CLPP: variants seen among roughly 807,000 people sequenced by gnomAD.
CLPP encodes ATP-dependent Clp protease proteolytic subunit, mitochondrial.
CLPP carries 14 observed loss-of-function variants against 27.4 expected under a neutral mutation model. The ratio of observed to expected loss-of-function variants is 0.51; its 90% CI spans 0.34 to 0.80. CLPP has a LOEUF of 0.80. Among genes scored for constraint, CLPP ranks in the 30% least tolerant of loss-of-function variants. CLPP has a pLI of 0.02. For synonymous variants in CLPP, 193 were observed against 166.6 expected (o/e 1.16, Z -1.22); for missense variants, 361 against 403.6 (o/e 0.89, Z 0.90).
rs1599198498 is a variant in CLPP, at chr19:6,369,781, C to T, written c.*1071C>T. On this transcript the variant is annotated 3_prime_UTR_variant, in exon 6 of 6. Coordinates refer to ENST00000245816, the MANE Select transcript of CLPP (RefSeq NM_006012.4). ...CTGCACTCCAGCCTGGGCAACAAAG[C>T]GAGATTCTGTCTCCAAAAAAAAAAA... Among the ~76,000 whole-genome samples, 5 of 150,486 alleles carry T rather than the reference C, an allele frequency of 3.3e-5. No individual in the cohort carries two copies. The highest frequency in any genetic ancestry group is 2.6e-4 in the Admixed American group (4 of 15,110).
chr19:6,368,444 G>A, intron 5 of CLPP, 94 bp from the exon 6 acceptor site: 1 of 1,229,440 alleles, frequency 8.1e-7, no homozygotes, highest in East Asian at 2.4e-5. Flanking sequence ...ACTTGGGGTG[G>A]TGGGCACAAA....
intron 1 of CLPP, 33 bp downstream of exon 1, chr19:6,361,805 G>A (rs1296205574): frequency 4.4e-6 from 7 of 1,573,646 alleles, no homozygotes; most frequent in Non-Finnish European, 6.0e-6. Context: ...CGGTTCGGGG[G>A]CTCCGGGCTG....
At chr19:6,366,459 AG>A in intron 5 of CLPP, 96 bp downstream of exon 5, 3 of 895,446 alleles carry the variant, frequency 3.4e-6, no homozygotes, top group Non-Finnish European at 5.2e-6. Flanking sequence ...GCGGACTTTC[AG>A]GGCTGGATCG....
At chr19:6,362,008 T>G in intron 2 of CLPP, 68 bp downstream of exon 2, 1 of 1,426,294 alleles carries the variant, frequency 7.0e-7, no homozygotes. Context: ...CCTGCGCCCC[T>G]CCTTCCCTGG....
Position 6,369,916 on chromosome 19 carries a change from T to A in CLPP, c.*1206T>A, listed in dbSNP as rs531046039. On this transcript the variant is annotated 3_prime_UTR_variant, in exon 6 of 6. Transcript: ENST00000245816. Reference sequence around the variant, plus strand: ...GGAAAATAAGGATGACTATGACTCCTGAGGAGTGCACCATGAGCAGAAACT... The same window carrying A: ...GGAAAATAAGGATGACTATGACTCCAGAGGAGTGCACCATGAGCAGAAACT... Among the ~76,000 whole-genome samples the A allele has an allele frequency of 3.0e-4, 45 of 152,242 alleles. No individual in the cohort carries two copies. Among genetic ancestry groups the A allele is most frequent in the African/African-American group, 6.3e-4 (26 of 41,552 alleles).
intron 2 of CLPP, 27 bp downstream of exon 2, chr19:6,361,967 C>G (rs1175164771): frequency 2.5e-6 from 4 of 1,590,488 alleles, no homozygotes; most frequent in Admixed American, 1.7e-5. Flanking sequence ...GGGACCCTCC[C>G]CAGGACTCTC....
At chr19:6,365,487 G>A (rs953404333) in intron 4 of CLPP, among the ~76,000 whole-genome samples, 1 of 151,830 alleles carries the variant, frequency 6.6e-6, no homozygotes, top group African/African-American at 2.4e-5. Context: ...ACAACAAAGG[G>A]AAAAAAAGAA....
At chr19:6,362,034 C>A in intron 2 of CLPP, 94 bp downstream of exon 2, 2 of 1,210,958 alleles carry the variant, frequency 1.7e-6, no homozygotes, top group Non-Finnish European at 2.3e-6. Context: ...GACTTTCCCT[C>A]AGGCTCCGCT....
At chr19:6,364,381 G>T in intron 3 of CLPP, 71 bp from the exon 4 acceptor site, 2 of 1,442,312 alleles carry the variant, frequency 1.4e-6, no homozygotes, top group Non-Finnish European at 1.9e-6. Context: ...CCCTCCCCAG[G>T]TTTAGGAGAT....
Position 6,362,388 on chromosome 19 carries a change from C to G in CLPP, c.271-58C>G, listed in dbSNP as rs574261723. 1.9e-5 allele frequency: 23 copies of G among 1,226,354 alleles called. No individual in the cohort carries two copies. In the Admixed American group the frequency reaches 2.9e-4, roughly 15 times the overall value. 76.0% of individuals were successfully genotyped at this position (1,226,354 alleles called of 1,614,324 possible). ...GGTTCCCTGACCCATCCCCAGCCTC[C>G]CTTAAAACTCTCTCCCCACCCCGAA... On this transcript the variant is annotated intron_variant, in intron 2 of 5. Coordinates refer to ENST00000245816, the MANE Select transcript of CLPP (RefSeq NM_006012.4).
At position 6,362,434 on chromosome 19, in the gene CLPP, C is replaced by G; in HGVS notation, c.271-12C>G. 6.2e-7 allele frequency: 1 copy of G among 1,606,162 alleles called. No homozygotes were observed. The highest frequency in any genetic ancestry group is 8.5e-7 in the Non-Finnish European group (1 of 1,172,714). On this transcript the variant is annotated splice_polypyrimidine_tract_variant and intron_variant, in intron 2 of 5. Transcript: ENST00000245816. ...CCGAATCTGGGGACACCCCTGCCCT[C>G]TCCACCTGCAGATCGATGACAGCGT...
chr19:6,364,426 C>T, intron 3 of CLPP, 26 bp from the exon 4 acceptor site: 1 of 1,589,406 alleles, frequency 6.3e-7, no homozygotes. Context: ...GCTGGTCCAG[C>T]CCCTCACTTG....
At chr19:6,366,007 G>A (rs1225997253) in intron 4 of CLPP, among the ~76,000 whole-genome samples, 1 of 151,748 alleles carries the variant, frequency 6.6e-6, no homozygotes, top group Non-Finnish European at 1.5e-5. Context: ...CTGAGACAGA[G>A]AGACACTGTT....
chr19:6,364,100 G>A (rs1383200204), intron 3 of CLPP, among the ~76,000 whole-genome samples: 7 of 146,556 alleles, frequency 4.8e-5, no homozygotes, highest in African/African-American at 7.7e-5. Flanking sequence ...GCGCTATCTC[G>A]GCTCACTGCA....
Position 6,361,736 on chromosome 19 carries a change from G to A in CLPP, c.162G>A (p.Arg54=). 6.6e-7 allele frequency: 1 copy of A among 1,515,268 alleles called. No individual in the cohort carries two copies. Among genetic ancestry groups the A allele is most frequent in the Non-Finnish European group, 8.8e-7 (1 of 1,136,044 alleles). 93.9% of individuals were successfully genotyped at this position (1,515,268 alleles called of 1,614,324 possible). ...LQRCLHATAT[R]ALPLIPIVVE... is the part of the protein sequence containing the mutation. ...GGTGCCTGCACGCGACGGCGACCCG[G>A]GCTCTCCCGCTCATTCCCATCGTGG... Residue 54 remains arginine (R), a synonymous_variant, in exon 1 of 6, where the codon CGG becomes CGA. Transcript: ENST00000245816.
Position 6,361,610 on chromosome 19 carries a change from GGCGTCAT to G in CLPP, c.39_45del (p.Ser14GlyfsTer111). The G allele has an allele frequency of 7.1e-7, 1 of 1,414,944 alleles. No homozygotes were observed. Among genetic ancestry groups the G allele is most frequent in the Non-Finnish European group, 9.2e-7 (1 of 1,083,968 alleles). 87.6% of individuals were successfully genotyped at this position (1,414,944 alleles called of 1,614,324 possible). On this transcript the variant is annotated frameshift_variant, in exon 1 of 6. Coordinates refer to ENST00000245816, the MANE Select transcript of CLPP (RefSeq NM_006012.4). LOFTEE classifies it high-confidence loss of function. The stretch of plus-strand genomic sequence containing the variant: ...GAATATTGGTAGGGGGGGCCCGGGT[GGCGTCAT>G]GCAGGTACCCCGCGCTGGGGCCTCG...
In CLPP at chr19:6,368,809, C is replaced by T; in HGVS notation, c.*99C>T. 2 of 1,159,852 alleles carry T rather than the reference C, an allele frequency of 1.7e-6. No homozygotes were observed. Among genetic ancestry groups the T allele is most frequent in the Non-Finnish European group, 2.4e-6 (2 of 837,148 alleles). 71.8% of individuals were successfully genotyped at this position (1,159,852 alleles called of 1,614,324 possible). On this transcript the variant is annotated 3_prime_UTR_variant, in exon 6 of 6. Coordinates refer to ENST00000245816, the MANE Select transcript of CLPP (RefSeq NM_006012.4). ...CCCTTGTTGCTGGGCTTGGAGGGGCCTCTTGAGGAACTTTTAATTTGCAGG... is the reference window on the plus strand; with the variant it reads ...CCCTTGTTGCTGGGCTTGGAGGGGCTTCTTGAGGAACTTTTAATTTGCAGG...
At position 6,361,725 on chromosome 19, in the gene CLPP, A is replaced by G; in HGVS notation, c.151A>G (p.Thr51Ala). The change falls in exon 1 of 6, where the codon ACG (threonine) becomes GCG (alanine). Residue 51 changes from threonine (T) to alanine (A), a missense_variant. By Grantham distance (58) the Thr-to-Ala change is moderately conservative. This residue lies in a region of CLPP where 148 missense variants were observed against 122.6 expected (regional missense o/e 1.21). Transcript: ENST00000245816. ...GGCCCTGCAGCGGTGCCTGCACGCG[A>G]CGGCGACCCGGGCTCTCCCGCTCAT... ...GLALQRCLHA[T>A]ATRALPLIPI... 6.6e-7 allele frequency: 1 copy of G among 1,506,702 alleles called. No individual in the cohort carries two copies. Among genetic ancestry groups the G allele is most frequent in the Non-Finnish European group, 8.8e-7 (1 of 1,131,390 alleles). 93.3% of individuals were successfully genotyped at this position (1,506,702 alleles called of 1,614,324 possible). A position where few individuals can be genotyped will look rare whatever the true frequency, so the allele number is the denominator to read the frequency against.
Position 6,365,594 on chromosome 19 carries a change from A to T in CLPP, c.556-664A>T, listed in dbSNP as rs1370288283. On this transcript the variant is annotated intron_variant, in intron 4 of 5. Coordinates refer to ENST00000245816, the MANE Select transcript of CLPP (RefSeq NM_006012.4). ...TCCCAGCACTTTGGGAGGCCAAGGC[A>T]GGAGGATCACTTGAGGCCAAGAGTT... Among the ~76,000 whole-genome samples, 3 of 151,956 alleles carry T rather than the reference A, an allele frequency of 2.0e-5. No homozygotes were observed. The Admixed American group carries it at 2.0e-4, about 10-fold the overall frequency.
Sources: gnomAD v4.1 joint callset for allele counts (sites outside exome capture counted in the v4.1 genomes callset) on GRCh38, gnomAD v4.1.1 for gene constraint, gnomAD v4.1.1 regional missense constraint, MANE v1.5 for transcripts, NCBI Gene and HGNC (gene_info 2026-07-23, HGNC 2026-07-21) for gene names.